LRRC4C: variants seen among roughly 807,000 people sequenced by gnomAD.
The protein encoded by LRRC4C is leucine-rich repeat-containing protein 4C.
In LRRC4C, 5 loss-of-function variants were observed where a neutral mutation model predicts 33.6. The ratio of observed to expected loss-of-function variants is 0.15; its 90% confidence interval spans 0.08 to 0.31. LRRC4C has a LOEUF of 0.31. Ranked by LOEUF, LRRC4C falls within the 10% of genes least tolerant of loss-of-function variation. LRRC4C has a pLI of 1.00. For missense variants in LRRC4C, 560 were observed against 796.7 expected, an observed-to-expected ratio of 0.70 and a Z score of 3.58; for synonymous variants, 329 against 302.0, an observed-to-expected ratio of 1.09 and a Z score of -0.93.
At chr11:40,882,326 A>T (rs1449231295) in intron 2 of LRRC4C, among the ~76,000 whole-genome samples, 1 of 151,830 alleles carries the variant, frequency 6.6e-6, no homozygotes, top group Non-Finnish European at 1.5e-5. Flanking sequence ...TCTTGAGAAT[A>T]AAAAAAAGGT....
intron 1 of LRRC4C, among the ~76,000 whole-genome samples, chr11:41,333,380 T>C (rs1951354291): frequency 6.6e-6 from 1 of 152,194 alleles, no homozygotes; most frequent in South Asian, 2.1e-4. Flanking sequence ...AAAAGATCAA[T>C]AATAAGGCTT....
At chr11:41,109,970 G>A (rs1320871648) in intron 1 of LRRC4C, among the ~76,000 whole-genome samples, 2 of 151,986 alleles carry the variant, frequency 1.3e-5, no homozygotes, top group Admixed American at 6.6e-5. Context: ...ACAACAGCGT[G>A]TACCAAAGAC....
intron 2 of LRRC4C, among the ~76,000 whole-genome samples, chr11:40,696,059 GTA>G (rs1009495178): frequency 1.7e-4 from 24 of 142,506 alleles, no homozygotes; most frequent in Non-Finnish European, 2.9e-4. Flanking sequence ...GTGTGTGTGT[GTA>G]TATATGAGTG....
chr11:41,417,986 A>G (rs182965749), intron 1 of LRRC4C, among the ~76,000 whole-genome samples: 1 of 151,608 alleles, frequency 6.6e-6, no homozygotes, highest in East Asian at 1.9e-4. Context: ...GTGTATATAT[A>G]TACATATACA....
chr11:41,189,311 G>T (rs910813534), intron 1 of LRRC4C, among the ~76,000 whole-genome samples: 1 of 152,122 alleles, frequency 6.6e-6, no homozygotes, highest in African/African-American at 2.4e-5. Context: ...GTTAAGACAA[G>T]TAAAAAAAGA....
intron 1 of LRRC4C, among the ~76,000 whole-genome samples, chr11:41,067,545 A>C (rs755361890): frequency 1.3e-5 from 2 of 152,216 alleles, no homozygotes; most frequent in Non-Finnish European, 1.5e-5. Flanking sequence ...ACTTGAACTC[A>C]GCCCTGGATC....
At chr11:40,430,286 G>C (rs943089194) in intron 3 of LRRC4C, among the ~76,000 whole-genome samples, 2 of 152,072 alleles carry the variant, frequency 1.3e-5, no homozygotes, top group East Asian at 3.9e-4. Flanking sequence ...CTAGGAGAAA[G>C]TTGGTGAAGG....
At chr11:40,383,897 C>A (rs935529473) in intron 3 of LRRC4C, among the ~76,000 whole-genome samples, 3 of 135,094 alleles carry the variant, frequency 2.2e-5, no homozygotes, top group African/African-American at 7.9e-5. Flanking sequence ...GTTGCCCAGG[C>A]TCCCTTGCTT....
intron 1 of LRRC4C, among the ~76,000 whole-genome samples, chr11:40,943,745 A>G (rs552642412): frequency 6.6e-6 from 1 of 152,312 alleles, no homozygotes; most frequent in East Asian, 1.9e-4. Flanking sequence ...TGCACACATT[A>G]GTCTCTTCAT....
chr11:40,202,213 CAAAAAAAAAAAA>C (rs35644436), intron 5 of LRRC4C, among the ~76,000 whole-genome samples: 4 of 65,014 alleles, frequency 6.2e-5, no homozygotes, highest in African/African-American at 2.3e-4. Flanking sequence ...GTGTGATTAC[CAAAAAAAAAAAA>C]AAAAAAAAAA....
At chr11:40,379,038 G>T (rs1434581864) in intron 3 of LRRC4C, among the ~76,000 whole-genome samples, 1 of 152,062 alleles carries the variant, frequency 6.6e-6, no homozygotes, top group Non-Finnish European at 1.5e-5. Context: ...ATGACTTAAA[G>T]TCATATTAAA....
chr11:40,385,791 C>T (rs551756475), intron 3 of LRRC4C, among the ~76,000 whole-genome samples: 5 of 151,418 alleles, frequency 3.3e-5, no homozygotes, highest in African/African-American at 9.7e-5. Flanking sequence ...CACTTGAACA[C>T]GGAAGGTGGA....
chr11:40,520,065 G>A (rs56294344), intron 3 of LRRC4C, among the ~76,000 whole-genome samples: 9,848 of 152,210 alleles, frequency 0.065, 834 homozygotes, highest in African/African-American at 0.2. Flanking sequence ...CAACTAAGTC[G>A]AAGCCAATGC....
chr11:40,880,040 C>T (rs1359295952), intron 2 of LRRC4C, among the ~76,000 whole-genome samples: 1 of 152,072 alleles, frequency 6.6e-6, no homozygotes, highest in Non-Finnish European at 1.5e-5. Flanking sequence ...TGGCTTCTGT[C>T]TGGATCTCTT....
intron 3 of LRRC4C, among the ~76,000 whole-genome samples, chr11:40,634,534 A>G (rs1963782117): frequency 6.6e-6 from 1 of 152,132 alleles, no homozygotes; most frequent in Non-Finnish European, 1.5e-5. Flanking sequence ...AAGTCTGACA[A>G]CTAAGATGTT....
intron 5 of LRRC4C, among the ~76,000 whole-genome samples, chr11:40,231,876 T>G (rs1376153388): frequency 6.6e-6 from 1 of 152,256 alleles, no homozygotes; most frequent in Non-Finnish European, 1.5e-5. Context: ...TATTTCAATT[T>G]TTATTTTTAG....
chr11:41,275,670 G>T (rs1265669061), intron 1 of LRRC4C, among the ~76,000 whole-genome samples: 1 of 152,184 alleles, frequency 6.6e-6, no homozygotes, highest in Admixed American at 6.5e-5. Context: ...AATGTATTGT[G>T]TGAGCATAAT....
At chr11:40,920,955 C>G (rs1447240060) in intron 2 of LRRC4C, among the ~76,000 whole-genome samples, 7 of 148,548 alleles carry the variant, frequency 4.7e-5, no homozygotes, top group African/African-American at 1.2e-4. Flanking sequence ...GGGTCTTGCT[C>G]TGTTGTCCAG....
At chr11:40,946,921 T>A (rs1304832177) in intron 1 of LRRC4C, among the ~76,000 whole-genome samples, 1 of 152,114 alleles carries the variant, frequency 6.6e-6, no homozygotes, top group Non-Finnish European at 1.5e-5. Context: ...AACAATATTA[T>A]CAGCCCACAG....
Sources: gnomAD v4.1 joint callset for allele counts (sites outside exome capture counted in the v4.1 genomes callset) on GRCh38, gnomAD v4.1.1 for gene constraint, MANE v1.5 for transcripts, NCBI Gene and HGNC (gene_info 2026-07-23, HGNC 2026-07-21) for gene names.